Variants in TSNARE1 observed in about 807,000 individuals in gnomAD.
TSNARE1 encodes t-SNARE domain-containing protein 1.
In TSNARE1, 49 loss-of-function variants were observed where a neutral mutation model predicts 62.0. That is an observed-to-expected ratio of 0.79 (90% CI 0.63 to 1.00). The LOEUF is 1.00. Among genes scored for constraint, TSNARE1 ranks in the 50% least tolerant of loss-of-function variants. The pLI is 0.00. For missense variants in TSNARE1, 755 were observed against 700.1 expected (o/e 1.08, Z -0.88); for synonymous variants, 328 against 294.4 (o/e 1.11, Z -1.17).
At chr8:142,256,310 T>C (rs1322964520) in intron 12 of TSNARE1, among the ~76,000 whole-genome samples, 28 of 62,526 alleles carry the variant, frequency 4.5e-4, no homozygotes, top group South Asian at 6.5e-4. Flanking sequence ...ACCACCACCA[T>C]CATCACCACC....
At chr8:142,259,766 G>T (rs1366643301) in intron 12 of TSNARE1, among the ~76,000 whole-genome samples, 1 of 152,160 alleles carries the variant, frequency 6.6e-6, no homozygotes, top group African/African-American at 2.4e-5. Flanking sequence ...CCTGCAACGT[G>T]GCTGCTCCCA....
intron 9 of TSNARE1, among the ~76,000 whole-genome samples, chr8:142,302,764 G>A (rs1436261638): frequency 6.6e-6 from 1 of 152,150 alleles, no homozygotes; most frequent in Non-Finnish European, 1.5e-5. Context: ...AGATCTGGGT[G>A]CAATGTGTGG....
intron 10 of TSNARE1, among the ~76,000 whole-genome samples, chr8:142,292,661 T>C (rs1316327256): frequency 6.6e-6 from 1 of 151,868 alleles, no homozygotes; most frequent in Non-Finnish European, 1.5e-5. Context: ...ACCAGTGGGG[T>C]GAGGACAGGG....
chr8:142,401,200 T>A (rs1054213943), intron 1 of TSNARE1, among the ~76,000 whole-genome samples: 1 of 152,170 alleles, frequency 6.6e-6, no homozygotes, highest in African/African-American at 2.4e-5. Flanking sequence ...AAGTCTTACG[T>A]GTCCAGTGTA....
At chr8:142,344,513 C>T (rs766011898) in intron 3 of TSNARE1, 41 bp from the exon 4 acceptor site, 37 of 1,451,274 alleles carry the variant, frequency 2.5e-5, no homozygotes, top group Admixed American at 1.2e-4. Context: ...GGCCCTGGGC[C>T]TGTGGAGGCA....
chr8:142,273,179 TCCTCCTCCTCCTTCA>T, intron 12 of TSNARE1: 3 of 984,448 alleles, frequency 3.0e-6, no homozygotes, highest in Non-Finnish European at 3.6e-6. Flanking sequence ...TGCCCTCCTT[TCCTCCTCCTCCTTCA>T]CCTCCTCCTC....
chr8:142,371,775 A>G (rs545660094), intron 1 of TSNARE1, among the ~76,000 whole-genome samples: 12 of 152,356 alleles, frequency 7.9e-5, no homozygotes, highest in African/African-American at 2.9e-4. Context: ...CTTAAAAAAA[A>G]GAGTATGAAT....
chr8:142,393,969 T>G (rs1837722313), intron 1 of TSNARE1, among the ~76,000 whole-genome samples: 1 of 152,228 alleles, frequency 6.6e-6, no homozygotes, highest in Non-Finnish European at 1.5e-5. Flanking sequence ...CACACCTTTG[T>G]TGCTTCAGGC....
intron 13 of TSNARE1, among the ~76,000 whole-genome samples, chr8:142,222,367 CTAATTCACTCACTCACTCAG>C (rs1201651553): frequency 1.1e-4 from 12 of 113,022 alleles, no homozygotes; most frequent in African/African-American, 1.6e-4. Flanking sequence ...CACTCATCCA[CTAATTCACTCACTCACTCAG>C]TCATCCACTC....
At chr8:142,399,758 C>T (rs1328719525) in intron 1 of TSNARE1, among the ~76,000 whole-genome samples, 1 of 152,208 alleles carries the variant, frequency 6.6e-6, no homozygotes, top group Non-Finnish European at 1.5e-5. Flanking sequence ...CAGGAGTCTG[C>T]TACTATGGAC....
In TSNARE1 at chr8:142,272,663, G is replaced by A. The variant is rs1324091456; in HGVS notation, c.1446+2118C>T. On this transcript the variant is annotated intron_variant, in intron 12 of 13. Coordinates refer to ENST00000524325, the MANE Select transcript of TSNARE1 (RefSeq NM_145003.5). ...GCCCATCTAGAGGCCCCTCGCAAGCGGGAGCAGGACATTCTATGCAGAGGC... is the reference window on the plus strand; with the variant it reads ...GCCCATCTAGAGGCCCCTCGCAAGCAGGAGCAGGACATTCTATGCAGAGGC... The A allele has an allele frequency of 5.5e-5, 49 of 893,956 alleles. 1 individual carries two copies. Among genetic ancestry groups the A allele is most frequent in the Non-Finnish European group, 6.1e-5 (48 of 792,928 alleles). The allele number at this position is 893,956 out of a possible 1,614,324, so 55.4% of individuals were successfully genotyped here.
At chr8:142,298,086 G>A (rs375811384) in intron 10 of TSNARE1, among the ~76,000 whole-genome samples, 9 of 152,280 alleles carry the variant, frequency 5.9e-5, no homozygotes, top group South Asian at 4.1e-4. Flanking sequence ...GAGGGTCCCC[G>A]AGGGCCACAG....
chr8:142,307,866 C>G (rs546356498), intron 9 of TSNARE1, among the ~76,000 whole-genome samples: 1 of 152,340 alleles, frequency 6.6e-6, no homozygotes, highest in South Asian at 2.1e-4. Flanking sequence ...ACCGCCTGCA[C>G]GCAGCCCACG....
chr8:142,365,602 G>GCGCA (rs149020570), intron 1 of TSNARE1, among the ~76,000 whole-genome samples: 3,158 of 144,480 alleles, frequency 0.022, 58 homozygotes, highest in African/African-American at 0.053. Flanking sequence ...ACATGCACAC[G>GCGCA]CACACACACA....
chr8:142,272,120 C>G (rs548223406), intron 12 of TSNARE1, among the ~76,000 whole-genome samples: 1 of 150,964 alleles, frequency 6.6e-6, no homozygotes, highest in African/African-American at 2.5e-5. Context: ...CACTGTCCAG[C>G]CAACCCCTTC....
intron 1 of TSNARE1, among the ~76,000 whole-genome samples, chr8:142,357,072 G>A (rs2130804387): frequency 6.6e-6 from 1 of 152,268 alleles, no homozygotes; most frequent in African/African-American, 2.4e-5. Flanking sequence ...AGACACCGCA[G>A]AGTCAGAGGA....
chr8:142,246,219 C>A (rs1225722134), intron 12 of TSNARE1, among the ~76,000 whole-genome samples: 2 of 152,094 alleles, frequency 1.3e-5, no homozygotes, highest in African/African-American at 4.8e-5. Context: ...CACCTTGTAG[C>A]CACCCCTACC....
At chr8:142,343,439 G>A (rs987164914) in intron 4 of TSNARE1, among the ~76,000 whole-genome samples, 9 of 151,950 alleles carry the variant, frequency 5.9e-5, no homozygotes, top group African/African-American at 1.4e-4. Context: ...CCTGATTCTC[G>A]GTGTGTGTGT....
At chr8:142,343,050 GGCCCAC>G (rs1416930010) in intron 4 of TSNARE1, among the ~76,000 whole-genome samples, 1 of 152,292 alleles carries the variant, frequency 6.6e-6, no homozygotes, top group East Asian at 1.9e-4. Context: ...TCAGACACTG[GGCCCAC>G]GCTGACCTCC....
Sources: gnomAD v4.1 joint callset for allele counts (sites outside exome capture counted in the v4.1 genomes callset) on GRCh38, gnomAD v4.1.1 for gene constraint, MANE v1.5 for transcripts, NCBI Gene and HGNC (gene_info 2026-07-23, HGNC 2026-07-21) for gene names.